GABRG2: variants seen among roughly 807,000 people sequenced by gnomAD.
GABRG2 encodes gamma-aminobutyric acid type A receptor subunit gamma2.
A neutral mutation model predicts 56.4 loss-of-function variants in GABRG2; 16 were observed. The observed-to-expected ratio is 0.28, with a 90% CI of 0.19 to 0.43. GABRG2 has a LOEUF of 0.43. GABRG2 is among the 20% of genes least tolerant of loss of function. The pLI is 1.00. For missense variants in GABRG2, 327 were observed against 582.7 expected, an observed-to-expected ratio of 0.56 and a Z score of 4.52; for synonymous variants, 208 against 205.5, an observed-to-expected ratio of 1.01 and a Z score of -0.10.
At chr5:162,095,373 AAATT>A in intron 2 of GABRG2, 118 bp from the exon 3 acceptor site, 1 of 692,864 alleles carries the variant, frequency 1.4e-6, no homozygotes. Flanking sequence ...AACTGGTACC[AAATT>A]AGTTGTGAAT....
chr5:162,142,578 G>A (rs1764655334), intron 7 of GABRG2: 1 of 381,878 alleles, frequency 2.6e-6, no homozygotes, highest in South Asian at 2.1e-5. Flanking sequence ...CATAAAAAAT[G>A]ATGAGTTCAT....
intron 6 of GABRG2, among the ~76,000 whole-genome samples, chr5:162,108,469 C>G (rs1182764783): frequency 6.6e-6 from 1 of 152,182 alleles, no homozygotes; most frequent in Non-Finnish European, 1.5e-5. Context: ...TGAATGACTT[C>G]TTAATGCATC....
chr5:162,110,580 T>C (rs560397172), intron 6 of GABRG2, among the ~76,000 whole-genome samples: 2 of 152,082 alleles, frequency 1.3e-5, no homozygotes, highest in African/African-American at 4.8e-5. Flanking sequence ...AAAGGAAAGT[T>C]AAAAAGCTAC....
chr5:162,090,794 A>G (rs1760512393), intron 1 of GABRG2, among the ~76,000 whole-genome samples: 1 of 152,118 alleles, frequency 6.6e-6, no homozygotes, highest in Admixed American at 6.6e-5. Flanking sequence ...AGAAGTTCAA[A>G]TATGTTTGCT....
At chr5:162,126,878 A>T (rs1763375342) in intron 6 of GABRG2, among the ~76,000 whole-genome samples, 1 of 151,978 alleles carries the variant, frequency 6.6e-6, no homozygotes, top group Admixed American at 6.6e-5. Flanking sequence ...TTTATCCTGT[A>T]TCTACATTTC....
chr5:162,093,873 T>C lies in GABRG2; in HGVS notation c.153T>C (p.Ser51=). 1.9e-6 allele frequency: 3 copies of C among 1,613,264 alleles called. No homozygotes were observed. The highest frequency in any genetic ancestry group is 2.5e-6 in the Non-Finnish European group (3 of 1,179,466). The change falls in exon 2 of 10, where the codon TCT becomes TCC. Residue 51 remains serine (S), a synonymous_variant. Coordinates refer to ENST00000639213, the MANE Select transcript of GABRG2 (RefSeq NM_198904.4). ...ATGATGACTATGAAGATTATGCTTC[T>C]AACAAAACATGGGTCTTGACTCCAA... ...KSDDDYEDYA[S]NKTWVLTPKV...
chr5:162,108,186 G>C (rs754519850), intron 6 of GABRG2, among the ~76,000 whole-genome samples: 2 of 152,068 alleles, frequency 1.3e-5, no homozygotes, highest in African/African-American at 4.8e-5. Flanking sequence ...AAACTCAAGT[G>C]GTCTGCTCTG....
At chr5:162,132,717 C>T (rs993924367) in intron 6 of GABRG2, among the ~76,000 whole-genome samples, 6 of 151,990 alleles carry the variant, frequency 3.9e-5, no homozygotes, top group East Asian at 3.9e-4. Flanking sequence ...ATTATATCTG[C>T]TTCTTATTGG....
chr5:162,134,289 T>C (rs1253431793), intron 6 of GABRG2, among the ~76,000 whole-genome samples: 1 of 152,074 alleles, frequency 6.6e-6, no homozygotes, highest in Non-Finnish European at 1.5e-5. Context: ...AATTGGTTGG[T>C]ATAGATTTAT....
chr5:162,113,900 A>G (rs1187947324), intron 6 of GABRG2, among the ~76,000 whole-genome samples: 2 of 152,180 alleles, frequency 1.3e-5, no homozygotes, highest in Non-Finnish European at 2.9e-5. Flanking sequence ...GAATTGGTAT[A>G]AAAATAAAAT....
At chr5:162,126,900 A>G (rs1763376610) in intron 6 of GABRG2, among the ~76,000 whole-genome samples, 1 of 151,952 alleles carries the variant, frequency 6.6e-6, no homozygotes, top group South Asian at 2.1e-4. Context: ...TACCACTGGG[A>G]GTGGCTTATA....
At chr5:162,139,436 T>C (rs1764385248) in intron 6 of GABRG2, among the ~76,000 whole-genome samples, 1 of 152,240 alleles carries the variant, frequency 6.6e-6, no homozygotes, top group Non-Finnish European at 1.5e-5. Flanking sequence ...GCTGCTTTGC[T>C]TTTAATGGCT....
chr5:162,139,944 A>G (rs1444608388), intron 6 of GABRG2, among the ~76,000 whole-genome samples: 1 of 152,190 alleles, frequency 6.6e-6, no homozygotes, highest in Admixed American at 6.5e-5. Flanking sequence ...ATGAGAAAGA[A>G]AAAGATGGAT....
At chr5:162,116,144 G>GTT (rs1359494916) in intron 6 of GABRG2, among the ~76,000 whole-genome samples, 2 of 147,982 alleles carry the variant, frequency 1.4e-5, no homozygotes, top group African/African-American at 4.9e-5. Context: ...GTGTGTGTGT[G>GTT]TGTTTCCAGA....
At position 162,097,757 on chromosome 5, in the gene GABRG2, C is replaced by T; in HGVS notation, c.447C>T (p.Asp149=). ...SNMVGKIWIP[D]TFFRNSKKAD... is the part of the protein sequence containing the mutation. The stretch of plus-strand genomic sequence containing the variant: ...TGGTGGGGAAAATCTGGATTCCAGA[C>T]ACTTTCTTCAGAAATTCCAAAAAAG... Residue 149 remains aspartate, a synonymous_variant, in exon 4 of 10, where the codon GAC becomes GAT. Coordinates refer to ENST00000639213, the MANE Select transcript of GABRG2 (RefSeq NM_198904.4). The T allele has an allele frequency of 6.2e-7, 1 of 1,613,772 alleles. No individual in the cohort carries two copies. Among genetic ancestry groups the T allele is most frequent in the Middle Eastern group, 1.7e-4 (1 of 6,060 alleles).
At chr5:162,145,778 C>T (rs1764909108) in intron 7 of GABRG2, among the ~76,000 whole-genome samples, 1 of 152,166 alleles carries the variant, frequency 6.6e-6, no homozygotes, top group Non-Finnish European at 1.5e-5. Context: ...CTGACATTTT[C>T]ACTTGTCGAG....
intron 6 of GABRG2, among the ~76,000 whole-genome samples, chr5:162,112,271 T>C (rs912660830): frequency 6.8e-6 from 1 of 146,998 alleles, no homozygotes; most frequent in Non-Finnish European, 1.5e-5. Context: ...TTTTTTTTTT[T>C]AATCCAAGTT....
chr5:162,090,705 G>T (rs1760504668), intron 1 of GABRG2, among the ~76,000 whole-genome samples: 1 of 152,136 alleles, frequency 6.6e-6, no homozygotes, highest in African/African-American at 2.4e-5. Flanking sequence ...TCCTCTGTAA[G>T]AAAGTATTTT....
At chr5:162,080,174 A>C (rs934731643) in intron 1 of GABRG2, among the ~76,000 whole-genome samples, 10 of 152,188 alleles carry the variant, frequency 6.6e-5, no homozygotes, top group African/African-American at 2.4e-4. Context: ...GTACTAGGAA[A>C]TAGATCTTGA....
Sources: gnomAD v4.1 joint callset for allele counts (sites outside exome capture counted in the v4.1 genomes callset) on GRCh38, gnomAD v4.1.1 for gene constraint, MANE v1.5 for transcripts, NCBI Gene and HGNC (gene_info 2026-07-23, HGNC 2026-07-21) for gene names.